Variants in TCF4 observed in about 807,000 individuals in gnomAD.
TCF4 encodes transcription factor 4, also known as SL3-3 enhancer factor 2.
Under a neutral mutation model 82.1 loss-of-function variants are expected in TCF4, and 3 were observed. The ratio of observed to expected loss-of-function variants is 0.04; its 90% confidence interval spans 0.02 to 0.09. The LOEUF is 0.09. Among genes scored for constraint, TCF4 ranks in the 10% least tolerant of loss-of-function variants. The pLI, the probability that TCF4 is intolerant of heterozygous loss-of-function variation, is 1.00. For synonymous variants in TCF4, 276 were observed against 309.6 expected (o/e 0.89, Z 1.14); for missense variants, 518 against 852.7 (o/e 0.61, Z 4.89).
chr18:55,296,083 G>T (rs1045223097), intron 8 of TCF4, among the ~76,000 whole-genome samples: 4 of 151,784 alleles, frequency 2.6e-5, no homozygotes, highest in African/African-American at 9.7e-5. Flanking sequence ...CTGAGTGAAG[G>T]AGTTAGGAAA....
intron 3 of TCF4, among the ~76,000 whole-genome samples, chr18:55,531,381 T>C (rs2097060952): frequency 6.6e-6 from 1 of 152,090 alleles, no homozygotes; most frequent in Non-Finnish European, 1.5e-5. Context: ...ACCATGATGA[T>C]TGGTATAAAG....
At chr18:55,282,570 C>A (rs1164817979) in intron 8 of TCF4, among the ~76,000 whole-genome samples, 1 of 151,950 alleles carries the variant, frequency 6.6e-6, no homozygotes, top group African/African-American at 2.4e-5. Flanking sequence ...AAAGCTCATA[C>A]CCATTCAGTT....
intron 2 of TCF4, among the ~76,000 whole-genome samples, chr18:55,611,619 C>T (rs1201606178): frequency 6.6e-6 from 1 of 151,852 alleles, no homozygotes; most frequent in Non-Finnish European, 1.5e-5. Flanking sequence ...AAAGATAATA[C>T]AAGACACGTG....
chr18:55,543,776 T>C (rs1398585549), intron 3 of TCF4, among the ~76,000 whole-genome samples: 2 of 152,190 alleles, frequency 1.3e-5, no homozygotes, highest in African/African-American at 4.8e-5. Context: ...AGTGTATTTC[T>C]ATAGCTGAAA....
intron 6 of TCF4, among the ~76,000 whole-genome samples, chr18:55,365,156 AATATATATATATATATATATATAT>A (rs139574594): frequency 3.6e-5 from 3 of 83,538 alleles, no homozygotes; most frequent in Admixed American, 2.5e-4. Flanking sequence ...CCATCTCCAA[AATATATATATATATATATATATAT>A]ATATATATAT....
At chr18:55,247,679 G>C (rs2053704051) in intron 15 of TCF4, among the ~76,000 whole-genome samples, 2 of 152,156 alleles carry the variant, frequency 1.3e-5, no homozygotes, top group South Asian at 4.1e-4. Context: ...TGCTAAACTA[G>C]GGAGAATGCA....
At chr18:55,624,040 T>C (rs566406297) in intron 2 of TCF4, among the ~76,000 whole-genome samples, 1 of 152,196 alleles carries the variant, frequency 6.6e-6, no homozygotes, top group Non-Finnish European at 1.5e-5. Flanking sequence ...CTTATTTTTA[T>C]TAGAATTATC....
Position 55,511,869 on chromosome 18 carries a change from A to T in TCF4, c.146-47732T>A, listed in dbSNP as rs567920690. On this transcript the variant is annotated intron_variant, in intron 3 of 19. Coordinates refer to ENST00000354452, the MANE Select transcript of TCF4 (RefSeq NM_001083962.2). ...TAGGCAGACATTCTGGTCCAAAGAC[A>T]GCAAAAACTGATTTGTGAAATACTA... is the stretch of plus-strand genomic sequence containing the variant. Among the ~76,000 whole-genome samples the T allele has an allele frequency of 5.6e-4, 86 of 152,322 alleles. 1 individual carries two copies. Among genetic ancestry groups the T allele is most frequent in the Middle Eastern group, 3.4e-3 (1 of 294 alleles).
Position 55,618,731 on chromosome 18 carries a change from G to A in TCF4, c.286+12567C>T, listed in dbSNP as rs542074830. 4.4e-4 allele frequency among the ~76,000 whole-genome samples: 65 copies of A among 146,668 alleles called. 2 individuals are homozygous for A. The South Asian group carries it at 7.4e-3, about 17-fold the overall frequency. On this transcript the variant is annotated intron_variant, in intron 2 of 20. Coordinates refer to the TCF4 transcript ENST00000398339. ...TAACTAACTGGGACCACAGGCACAT[G>A]ACACCATGGCTGGCTAATTAATTTT...
chr18:55,507,270 T>C (rs1025165771), intron 3 of TCF4, among the ~76,000 whole-genome samples: 4 of 152,162 alleles, frequency 2.6e-5, no homozygotes, highest in African/African-American at 9.7e-5. Flanking sequence ...TTTGGGGCCA[T>C]AGTTAAGTCA....
intron 5 of TCF4, among the ~76,000 whole-genome samples, chr18:55,444,223 A>G (rs1407896540): frequency 4.6e-5 from 7 of 152,234 alleles, no homozygotes; most frequent in African/African-American, 1.7e-4. Flanking sequence ...TGTTAAAAAC[A>G]CTTAATGATT....
chr18:55,377,049 C>G (rs2145752754), intron 6 of TCF4, among the ~76,000 whole-genome samples: 1 of 152,322 alleles, frequency 6.6e-6, no homozygotes, highest in East Asian at 1.9e-4. Context: ...GGGCCCCACA[C>G]TTTCAGAGCC....
chr18:55,563,747 C>G (rs1000574935), intron 3 of TCF4, among the ~76,000 whole-genome samples: 2 of 152,198 alleles, frequency 1.3e-5, no homozygotes, highest in Non-Finnish European at 2.9e-5. Flanking sequence ...ACATATGGTG[C>G]TCAGTGAATG....
At chr18:55,336,815 T>C (rs910216192) in intron 8 of TCF4, among the ~76,000 whole-genome samples, 2 of 152,144 alleles carry the variant, frequency 1.3e-5, no homozygotes, top group African/African-American at 4.8e-5. Context: ...GTACATCAAA[T>C]TGTAATCTTT....
intron 5 of TCF4, among the ~76,000 whole-genome samples, chr18:55,411,426 G>A (rs2094339843): frequency 6.6e-6 from 1 of 152,116 alleles, no homozygotes; most frequent in African/African-American, 2.4e-5. Context: ...ATATGCATTT[G>A]AAAGCTTATT....
chr18:55,313,887 A>C (rs2073331012), intron 8 of TCF4, among the ~76,000 whole-genome samples: 1 of 152,134 alleles, frequency 6.6e-6, no homozygotes, highest in African/African-American at 2.4e-5. Flanking sequence ...TAAAAATTTA[A>C]AGTATTTTCA....
rs939677170 is a variant in TCF4, at chr18:55,302,643, G to C, written c.550-22987C>G. ...ATGAAACTCAGACCCGCAGATGTCC[G>C]CTGTGAGGCCTGTGGCTGGCCTAGG... is the stretch of plus-strand genomic sequence containing the variant. On this transcript the variant is annotated intron_variant, in intron 8 of 19. Coordinates refer to ENST00000354452, the MANE Select transcript of TCF4 (RefSeq NM_001083962.2). 60 of 1,490,264 alleles carry C rather than the reference G, an allele frequency of 4.0e-5. 1 individual carries two copies. In the South Asian group the frequency reaches 7.7e-4, roughly 19 times the overall value. The allele number at this position is 1,490,264 out of a possible 1,614,324, so 92.3% of individuals were successfully genotyped here.
At position 55,307,512 on chromosome 18, in the gene TCF4, G is replaced by A. The variant is rs534028822; in HGVS notation, c.550-27856C>T. ...ATTATATTTCGTCTTAATAGTTTCT[G>A]GCAACCAAAGACTGCATTTTCTACA... On this transcript the variant is annotated intron_variant, in intron 8 of 19. Transcript: ENST00000354452. Among the ~76,000 whole-genome samples, 7 of 152,156 alleles carry A rather than the reference G, an allele frequency of 4.6e-5. No homozygotes were observed. In the East Asian group the frequency reaches 1.4e-3, roughly 29 times the overall value.
chr18:55,533,804 T>C (rs1051919660), intron 3 of TCF4, among the ~76,000 whole-genome samples: 2 of 152,180 alleles, frequency 1.3e-5, no homozygotes, highest in Admixed American at 6.5e-5. Flanking sequence ...TTCATCACCA[T>C]GTTTCTGTGT....
Sources: gnomAD v4.1 joint callset for allele counts (sites outside exome capture counted in the v4.1 genomes callset) on GRCh38, gnomAD v4.1.1 for gene constraint, MANE v1.5 for transcripts, NCBI Gene and HGNC (gene_info 2026-07-23, HGNC 2026-07-21) for gene names.